The following C17orf75 variants were observed in gnomAD, a reference collection of about 807,000 sequenced individuals.
The protein encoded by C17orf75 is chromosome 17 open reading frame 75, also known as protein Njmu-R1.
C17orf75 carries 32 observed loss-of-function variants against 49.6 expected under a neutral mutation model. The observed-to-expected ratio is 0.65, with a 90% CI of 0.49 to 0.87. C17orf75 has a LOEUF of 0.87. C17orf75 is among the 40% of genes least tolerant of loss of function. The pLI is 0.00. For synonymous variants in C17orf75, 158 were observed against 159.5 expected, an observed-to-expected ratio of 0.99 and a Z score of 0.07; for missense variants, 428 against 473.9, an observed-to-expected ratio of 0.90 and a Z score of 0.90.
At position 32,335,356 on chromosome 17, in the gene C17orf75, GAGA is replaced by G. The variant is rs1268220025; in HGVS notation, c.633_635del (p.Leu212del). 6.2e-6 allele frequency: 10 copies of G among 1,613,760 alleles called. No individual in the cohort carries two copies. The highest frequency in any genetic ancestry group is 7.6e-6 in the Non-Finnish European group (9 of 1,179,822). On this transcript the variant is annotated inframe_deletion, in exon 6 of 10. Coordinates refer to ENST00000577809, the MANE Select transcript of C17orf75 (RefSeq NM_022344.4). ...GCAGAAAGGTAAGCTTTTCCTGAAA[GAGA>G]AGAACAACCCTTTGGATTGGGCATA...
At chr17:32,350,014 T>C in exon 1 of C17orf75, 1 of 1,336,296 alleles carries the variant, frequency 7.5e-7, no homozygotes, top group Non-Finnish European at 9.7e-7. Flanking sequence ...CGAAAAACTC[T>C]GAAACGGACA....
intron 1 of C17orf75, among the ~76,000 whole-genome samples, chr17:32,348,213 G>A (rs1192358862): frequency 4.6e-5 from 7 of 151,826 alleles, no homozygotes; most frequent in East Asian, 3.9e-4. Context: ...AGTAAAGACC[G>A]GGTTTCACCA....
chr17:32,331,238 A>G lies in C17orf75; in HGVS notation c.*525T>C, dbSNP rs2041270191. On this transcript the variant is annotated 3_prime_UTR_variant, in exon 10 of 10. Coordinates refer to ENST00000577809, the MANE Select transcript of C17orf75 (RefSeq NM_022344.4). ...CTCAGGATTTGCATATTGACTTAAA[A>G]TCTGACTTTATCATCCATGCCGTTA... 1 of 152,752 alleles carries G rather than the reference A, an allele frequency of 6.5e-6. No homozygotes were observed. The highest frequency in any genetic ancestry group is 1.5e-5 in the Non-Finnish European group (1 of 68,440). 9.5% of individuals were successfully genotyped at this position (152,752 alleles called of 1,614,324 possible). A position where few individuals can be genotyped will look rare whatever the true frequency, so the allele number is the denominator to read the frequency against.
At chr17:32,349,503 C>T (rs2041462741) in intron 1 of C17orf75, among the ~76,000 whole-genome samples, 1 of 152,128 alleles carries the variant, frequency 6.6e-6, no homozygotes, top group African/African-American at 2.4e-5. Context: ...ATCGCTTGAA[C>T]CCGGGAGACG....
chr17:32,338,394 C>T (rs1334347427), intron 3 of C17orf75, 43 bp from the exon 4 acceptor site: 3 of 1,570,514 alleles, frequency 1.9e-6, no homozygotes, highest in South Asian at 2.3e-5. Context: ...TTTGGTTACT[C>T]ATGCATCTAT....
Position 32,339,828 on chromosome 17 carries a change from G to A in C17orf75, c.332C>T (p.Ala111Val). 1 of 1,613,930 alleles carries A rather than the reference G, an allele frequency of 6.2e-7. No homozygotes were observed. Among genetic ancestry groups the A allele is most frequent in the Non-Finnish European group, 8.5e-7 (1 of 1,179,882 alleles). Residue 111 changes from alanine (A) to valine (V), a missense_variant, in exon 3 of 10, where the codon GCA (alanine) becomes GTA (valine). Coordinates refer to ENST00000577809, the MANE Select transcript of C17orf75 (RefSeq NM_022344.4). ...GAVFEGLGNV[A>V]SVELKIPGYR... is the part of the protein sequence containing the mutation. ...TTGCACTTACTTTAGCTCCACAGATGCAACATTACCCAGCCCTTCAAAGAC... is the reference window on the plus strand; with the variant it reads ...TTGCACTTACTTTAGCTCCACAGATACAACATTACCCAGCCCTTCAAAGAC...
chr17:32,335,384 A>T lies in C17orf75; in HGVS notation c.608T>A (p.Val203Glu), dbSNP rs1021914459. ...AAGAACAACCCTTTGGATTGGGCAT[A>T]CAACATCCTCAAACCAGCTGCTCAG... ...SYLSSWFEDV[V>E]CPIQRVVLLF... is the part of the protein sequence containing the mutation. The change falls in exon 6 of 10, where the codon GTA (valine) becomes GAA (glutamate). Residue 203 changes from valine to glutamate, a missense_variant. Val to Glu is a moderately radical substitution (Grantham distance 121). Transcript: ENST00000577809. 6.2e-7 allele frequency: 1 copy of T among 1,613,850 alleles called. No individual in the cohort carries two copies. The highest frequency in any genetic ancestry group is 8.5e-7 in the Non-Finnish European group (1 of 1,179,830).
rs1034318460 is a variant in C17orf75 at position 32,334,495 on chromosome 17, C to G, written c.845G>C (p.Ser282Thr). 16 of 1,612,206 alleles carry G rather than the reference C, an allele frequency of 9.9e-6. No homozygotes were observed. In the African/African-American group the frequency reaches 1.7e-4, roughly 17 times the overall value. The change falls in exon 8 of 10, where the codon AGC (serine) becomes ACC (threonine). Residue 282 changes from serine to threonine, a missense_variant. By Grantham distance (58) the Ser-to-Thr change is moderately conservative. Coordinates refer to ENST00000577809, the MANE Select transcript of C17orf75 (RefSeq NM_022344.4). ...QHKSVVIDCSSSQPQFCNAGS... is the reference protein window; with the variant it reads ...QHKSVVIDCSTSQPQFCNAGS... ...TGCATTGCAGAACTGAGGCTGGGAG[C>G]TGCTGCAATCGATGACCACAGACTT...
chr17:32,342,102 T>A lies in C17orf75; in HGVS notation c.38A>T (p.Glu13Val). 3.1e-6 allele frequency: 5 copies of A among 1,601,512 alleles called. No homozygotes were observed. Among genetic ancestry groups the A allele is most frequent in the Non-Finnish European group, 4.3e-6 (5 of 1,174,772 alleles). ...PSLQESMDGD[E>V]KELESSEEGG... ...CTCTTCGCTGCTCTCTAGTTCCTTTTCATCTCCATCCATCGACTCCTGCAA... is the reference window on the plus strand; with the variant it reads ...CTCTTCGCTGCTCTCTAGTTCCTTTACATCTCCATCCATCGACTCCTGCAA... The change falls in exon 1 of 10, where the codon GAA becomes GTA. Residue 13 changes from glutamate to valine, a missense_variant. Glu to Val is a moderately radical substitution (Grantham distance 121). Transcript: ENST00000577809.
intron 3 of C17orf75, among the ~76,000 whole-genome samples, chr17:32,338,954 G>A (rs1291484262): frequency 6.6e-6 from 1 of 152,132 alleles, no homozygotes; most frequent in African/African-American, 2.4e-5. Flanking sequence ...AGCCGGGTAT[G>A]GTGGTGCATG....
At chr17:32,344,898 C>G (rs2041413121), upstream of C17orf75, among the ~76,000 whole-genome samples, 1 of 151,468 alleles carries the variant, frequency 6.6e-6, no homozygotes, top group African/African-American at 2.4e-5. Context: ...CAGAGTGAGA[C>G]TCTGTCTCAA....
intron 9 of C17orf75, 71 bp from the exon 10 acceptor site, chr17:32,332,049 C>G: frequency 7.8e-7 from 1 of 1,278,884 alleles, no homozygotes; most frequent in East Asian, 2.3e-5. Context: ...TAACTCCTAT[C>G]CAGCTGAGAA....
In C17orf75 at chr17:32,330,332, A is replaced by AGTC. The variant is rs2041263626; in HGVS notation, c.*1428_*1430dup. 6.6e-6 allele frequency: 1 copy of AGTC among 152,228 alleles called. No individual in the cohort carries two copies. Among genetic ancestry groups the AGTC allele is most frequent in the Admixed American group, 6.5e-5 (1 of 15,290 alleles). 9.4% of individuals were successfully genotyped at this position (152,228 alleles called of 1,614,324 possible). ...GAGGAGAAAGCAGAAGGCCATTGTC[A>AGTC]GTCATTTTGAAAGTTAAAACTCAGC... is the stretch of plus-strand genomic sequence containing the variant. On this transcript the variant is annotated 3_prime_UTR_variant, in exon 10 of 10. Coordinates refer to ENST00000577809, the MANE Select transcript of C17orf75 (RefSeq NM_022344.4).
intron 1 of C17orf75, chr17:32,341,734 C>A: frequency 2.1e-6 from 2 of 940,216 alleles, no homozygotes; most frequent in Non-Finnish European, 2.6e-6. Context: ...AGGGCAGCCG[C>A]GAGAGTAAGA....
intron 2 of C17orf75, among the ~76,000 whole-genome samples, 193 bp from the exon 3 acceptor site, chr17:32,340,131 T>C (rs948302700): frequency 1.3e-5 from 2 of 152,262 alleles, no homozygotes; most frequent in Admixed American, 1.3e-4. Flanking sequence ...GCTTAAAATA[T>C]TCCTATCTTT....
chr17:32,342,349 G>T, upstream of C17orf75: 1 of 679,134 alleles, frequency 1.5e-6, no homozygotes, highest in Non-Finnish European at 2.1e-6. Flanking sequence ...TTACTGACAA[G>T]CTTTTACCAT....
rs1277355399 is a variant in C17orf75, at chr17:32,329,455, A to G, written c.*2308T>C. On this transcript the variant is annotated 3_prime_UTR_variant, in exon 10 of 10. Transcript: ENST00000577809. Reference sequence around the variant, plus strand: ...AAGGTGGGAGGATTGCTTGAGTCCAAGAGTTTAAGACCAGTCTGAGCAACA... The same window carrying G: ...AAGGTGGGAGGATTGCTTGAGTCCAGGAGTTTAAGACCAGTCTGAGCAACA... 6.6e-6 allele frequency: 1 copy of G among 151,888 alleles called. No homozygotes were observed. The highest frequency in any genetic ancestry group is 1.5e-5 in the Non-Finnish European group (1 of 67,964). 9.4% of individuals were successfully genotyped at this position (151,888 alleles called of 1,614,324 possible). A position where few individuals can be genotyped will look rare whatever the true frequency, so the allele number is the denominator to read the frequency against.
intron 9 of C17orf75, among the ~76,000 whole-genome samples, chr17:32,332,487 A>G (rs1215225768): frequency 6.6e-6 from 1 of 152,146 alleles, no homozygotes; most frequent in Non-Finnish European, 1.5e-5. Context: ...TAATCTACCT[A>G]GCATGGTGGC....
Position 32,331,239 on chromosome 17 carries a change from T to G in C17orf75, c.*524A>C, listed in dbSNP as rs1381097483. ...TCAGGATTTGCATATTGACTTAAAA[T>G]CTGACTTTATCATCCATGCCGTTAT... On this transcript the variant is annotated 3_prime_UTR_variant, in exon 10 of 10. Transcript: ENST00000577809. 1.9e-4 allele frequency: 29 copies of G among 152,856 alleles called. No individual in the cohort carries two copies. The highest frequency in any genetic ancestry group is 1.6e-3 in the Admixed American group (25 of 15,352). 9.5% of individuals were successfully genotyped at this position (152,856 alleles called of 1,614,324 possible). A position where few individuals can be genotyped will look rare whatever the true frequency, so the allele number is the denominator to read the frequency against.
Sources: gnomAD v4.1 joint callset for allele counts (sites outside exome capture counted in the v4.1 genomes callset) on GRCh38, gnomAD v4.1.1 for gene constraint, MANE v1.5 for transcripts, NCBI Gene and HGNC (gene_info 2026-07-23, HGNC 2026-07-21) for gene names.